TTC29: variants seen among roughly 807,000 people sequenced by gnomAD.
TTC29 encodes the protein tetratricopeptide repeat domain 29.
In TTC29, 49 loss-of-function variants were observed where a neutral mutation model predicts 58.1. The ratio of observed to expected loss-of-function variants is 0.84; its 90% CI spans 0.67 to 1.07. The LOEUF is 1.07. Among genes scored for constraint, TTC29 ranks in the 50% least tolerant of loss-of-function variants. The probability of loss-of-function intolerance (pLI) is 0.00; values close to 1 mark genes in which losing one functional copy is unlikely to be tolerated. For missense variants in TTC29, 582 were observed against 555.6 expected, an observed-to-expected ratio of 1.05 and a Z score of -0.48; for synonymous variants, 209 against 196.8, an observed-to-expected ratio of 1.06 and a Z score of -0.52.
At chr4:146,823,553 C>A (rs1751984024) in intron 9 of TTC29, among the ~76,000 whole-genome samples, 1 of 152,134 alleles carries the variant, frequency 6.6e-6, no homozygotes, top group Admixed American at 6.5e-5. Flanking sequence ...CAGCTTTGTT[C>A]TTTTTGCTTA....
rs564685573 is a variant in TTC29, at chr4:146,790,633, T to C, written c.1330+12824A>G. Among the ~76,000 whole-genome samples the C allele has an allele frequency of 8.5e-5, 13 of 152,228 alleles. No homozygotes were observed. The South Asian group carries it at 2.5e-3, about 29-fold the overall frequency. The stretch of plus-strand genomic sequence containing the variant: ...CTACTTTATACATGTAGGTGGAAAG[T>C]CAAGACTTGCTCTCACTGTAGGTGT... On this transcript the variant is annotated intron_variant, in intron 11 of 12. Coordinates refer to ENST00000325106, the MANE Select transcript of TTC29 (RefSeq NM_031956.4).
intron 8 of TTC29, among the ~76,000 whole-genome samples, chr4:146,841,787 G>A (rs1354326569): frequency 6.6e-6 from 1 of 152,030 alleles, no homozygotes; most frequent in Non-Finnish European, 1.5e-5. Context: ...CCTGGAAGGT[G>A]TTCTACTGAG....
intron 4 of TTC29, among the ~76,000 whole-genome samples, chr4:146,912,330 T>C (rs1271233586): frequency 6.6e-6 from 1 of 152,186 alleles, no homozygotes; most frequent in Non-Finnish European, 1.5e-5. Flanking sequence ...CAATGAATGA[T>C]TTTTTTATTA....
At chr4:146,755,785 T>C (rs1746396654) in intron 11 of TTC29, among the ~76,000 whole-genome samples, 1 of 152,004 alleles carries the variant, frequency 6.6e-6, no homozygotes, top group Admixed American at 6.6e-5. Flanking sequence ...AAAATTAGGG[T>C]TCTGTATCAC....
chr4:146,879,785 G>A (rs1731503586), intron 6 of TTC29, among the ~76,000 whole-genome samples: 1 of 151,984 alleles, frequency 6.6e-6, no homozygotes, highest in African/African-American at 2.4e-5. Context: ...CAAGGAATAG[G>A]GACAGCAAAA....
chr4:146,755,292 A>G (rs780303078), intron 11 of TTC29, among the ~76,000 whole-genome samples: 1 of 152,194 alleles, frequency 6.6e-6, no homozygotes. Flanking sequence ...AAATGTCCAT[A>G]CTATCTAAGC....
intron 2 of TTC29, chr4:146,942,657 T>C (rs1736520792): frequency 1.3e-6 from 2 of 1,529,026 alleles, no homozygotes; most frequent in Non-Finnish European, 1.8e-6. Flanking sequence ...CGGAATCATC[T>C]AAGTTCTTAA....
chr4:146,868,602 A>G (rs530552420), intron 7 of TTC29, among the ~76,000 whole-genome samples: 1 of 152,244 alleles, frequency 6.6e-6, no homozygotes, highest in African/African-American at 2.4e-5. Context: ...AAATGCGTAA[A>G]GATACAACAT....
chr4:146,717,000 C>T (rs1173148570), intron 11 of TTC29, among the ~76,000 whole-genome samples: 3 of 152,186 alleles, frequency 2.0e-5, no homozygotes, highest in East Asian at 1.9e-4. Flanking sequence ...AAATGTAGGC[C>T]GCACTTCAGA....
chr4:146,735,320 A>G (rs1348943928), intron 11 of TTC29, among the ~76,000 whole-genome samples: 1 of 152,144 alleles, frequency 6.6e-6, no homozygotes, highest in Admixed American at 6.5e-5. Context: ...GAAGTGTTCT[A>G]TTTTGTCGAT....
chr4:146,796,857 A>G (rs1749867138), intron 11 of TTC29, among the ~76,000 whole-genome samples: 1 of 152,200 alleles, frequency 6.6e-6, no homozygotes, highest in Non-Finnish European at 1.5e-5. Context: ...AATTTCTCAT[A>G]GCAAATAGAA....
chr4:146,932,396 CT>C (rs2150320149), intron 4 of TTC29, among the ~76,000 whole-genome samples: 1 of 152,110 alleles, frequency 6.6e-6, no homozygotes, highest in Non-Finnish European at 1.5e-5. Context: ...AAAGAGCAAA[CT>C]TTTTTAAGAG....
chr4:146,708,472 T>C (rs1214548649), intron 11 of TTC29, among the ~76,000 whole-genome samples: 2 of 150,108 alleles, frequency 1.3e-5, no homozygotes, highest in East Asian at 3.9e-4. Context: ...ATGGGAAGTT[T>C]ATATATGTAG....
chr4:146,812,034 A>G (rs1751058814), intron 10 of TTC29, among the ~76,000 whole-genome samples: 1 of 152,008 alleles, frequency 6.6e-6, no homozygotes, highest in Admixed American at 6.6e-5. Context: ...TAAGAAAAAA[A>G]GTTAATTAGA....
intron 9 of TTC29, among the ~76,000 whole-genome samples, chr4:146,827,139 C>T (rs1441151473): frequency 6.6e-6 from 1 of 152,090 alleles, no homozygotes; most frequent in Admixed American, 6.6e-5. Context: ...ATGTCTGTGC[C>T]CACATCCCTT....
intron 11 of TTC29, among the ~76,000 whole-genome samples, chr4:146,791,901 G>A (rs1232660139): frequency 6.6e-6 from 1 of 152,176 alleles, no homozygotes; most frequent in Non-Finnish European, 1.5e-5. Flanking sequence ...ATTCTCTTAA[G>A]CCAAAACCAG....
At chr4:146,817,145 T>C (rs973262491) in intron 10 of TTC29, among the ~76,000 whole-genome samples, 3 of 152,194 alleles carry the variant, frequency 2.0e-5, no homozygotes, top group African/African-American at 7.2e-5. Flanking sequence ...TCAAATTGTC[T>C]CTGTTTGCAG....
At chr4:146,930,891 A>G (rs1392767241) in intron 4 of TTC29, among the ~76,000 whole-genome samples, 1 of 152,194 alleles carries the variant, frequency 6.6e-6, no homozygotes, top group African/African-American at 2.4e-5. Flanking sequence ...TGAAAAAGGA[A>G]TTTCCCAAAT....
chr4:146,889,093 A>G (rs1397583445), intron 6 of TTC29, among the ~76,000 whole-genome samples: 1 of 152,098 alleles, frequency 6.6e-6, no homozygotes. Flanking sequence ...TTTAACCCCC[A>G]TGTATGAATT....
Sources: gnomAD v4.1 joint callset for allele counts (sites outside exome capture counted in the v4.1 genomes callset) on GRCh38, gnomAD v4.1.1 for gene constraint, MANE v1.5 for transcripts, NCBI Gene and HGNC (gene_info 2026-07-23, HGNC 2026-07-21) for gene names.